PLA2G10: variants seen among roughly 807,000 people sequenced by gnomAD.
The protein encoded by PLA2G10 is phospholipase A2 group X.
PLA2G10 carries 9 observed loss-of-function variants against 7.9 expected under a neutral mutation model. The ratio of observed to expected loss-of-function variants is 1.14; its 90% CI spans 0.68 to 1.98. The LOEUF (loss-of-function observed/expected upper bound fraction) is 1.98. PLA2G10 is among the 30% of genes most tolerant of loss of function. PLA2G10 has a pLI of 0.00. For missense variants in PLA2G10, 53 were observed against 65.4 expected (o/e 0.81, Z 0.66); for synonymous variants, 19 against 27.5 (o/e 0.69, Z 0.97).
At chr16:14,677,097 A>G (rs1162182426) in intron 3 of PLA2G10, among the ~76,000 whole-genome samples, 2 of 152,204 alleles carry the variant, frequency 1.3e-5, no homozygotes, top group African/African-American at 4.8e-5. Context: ...TTGTACCCCT[A>G]AGGCTACTGA....
chr16:14,685,508 C>T (rs1391373179), intron 3 of PLA2G10, among the ~76,000 whole-genome samples: 1 of 151,836 alleles, frequency 6.6e-6, no homozygotes, highest in Non-Finnish European at 1.5e-5. Context: ...AACTGGTAAC[C>T]TGGTAAGTTT....
intron 3 of PLA2G10, among the ~76,000 whole-genome samples, chr16:14,686,625 C>G (rs758766451): frequency 7.2e-5 from 11 of 152,090 alleles, no homozygotes; most frequent in Non-Finnish European, 1.3e-4. Flanking sequence ...GTCAGACTCT[C>G]GAGTAGCTGG....
intron 3 of PLA2G10, chr16:14,678,506 C>T (rs1040635046): frequency 3.0e-5 from 7 of 237,140 alleles, no homozygotes; most frequent in Non-Finnish European, 5.1e-5. Flanking sequence ...TGGTGGCTCA[C>T]GCCTGTAATC....
intron 3 of PLA2G10, among the ~76,000 whole-genome samples, chr16:14,684,221 C>T (rs773362029): frequency 1.4e-5 from 2 of 146,162 alleles, no homozygotes; most frequent in Non-Finnish European, 3.0e-5. Context: ...ATTAGCCGGG[C>T]GTGGTGGTGC....
chr16:14,676,229 TCTA>T (rs1423982858), intron 3 of PLA2G10, among the ~76,000 whole-genome samples: 1 of 152,116 alleles, frequency 6.6e-6, no homozygotes, highest in African/African-American at 2.4e-5. Context: ...GAAAAGTAAA[TCTA>T]CTATTCTTTC....
At chr16:14,687,562 G>C (rs970290154) in intron 3 of PLA2G10, among the ~76,000 whole-genome samples, 1 of 151,876 alleles carries the variant, frequency 6.6e-6, no homozygotes, top group East Asian at 1.9e-4. Flanking sequence ...CCTCCTTCTG[G>C]TCCCCACCCC....
chr16:14,673,550 A>G (rs527655879), intron 3 of PLA2G10, among the ~76,000 whole-genome samples: 2 of 151,440 alleles, frequency 1.3e-5, no homozygotes, highest in Non-Finnish European at 2.9e-5. Flanking sequence ...TTGTATTTTT[A>G]GTAGAGATGG....
chr16:14,685,792 T>A (rs1225441939), intron 3 of PLA2G10, among the ~76,000 whole-genome samples: 1 of 151,460 alleles, frequency 6.6e-6, no homozygotes, highest in African/African-American at 2.4e-5. Flanking sequence ...CCTCCTGGAT[T>A]CAAGCAATTC....
chr16:14,677,557 G>A (rs1036907335), intron 3 of PLA2G10, among the ~76,000 whole-genome samples: 10 of 152,066 alleles, frequency 6.6e-5, no homozygotes, highest in Non-Finnish European at 1.0e-4. Flanking sequence ...AGTAGAGACC[G>A]GGTTTTACCA....
chr16:14,672,781 A>G (rs1960624954), intron 3 of PLA2G10, 32 bp from the exon 4 acceptor site: 1 of 1,608,938 alleles, frequency 6.2e-7, no homozygotes, highest in Non-Finnish European at 8.5e-7. Flanking sequence ...AGATTAGAGC[A>G]GGGACCTGGA....
intron 3 of PLA2G10, among the ~76,000 whole-genome samples, chr16:14,682,250 T>G (rs903072259): frequency 3.3e-5 from 5 of 152,180 alleles, no homozygotes; most frequent in Non-Finnish European, 5.9e-5. Context: ...TGCCAAGTTC[T>G]AATCCGTAGT....
intron 3 of PLA2G10, among the ~76,000 whole-genome samples, chr16:14,679,260 A>G (rs190067991): frequency 2.6e-5 from 4 of 152,268 alleles, no homozygotes; most frequent in Admixed American, 2.6e-4. Context: ...CAGGCTGAGC[A>G]TGGTGGCTTA....
At chr16:14,679,024 T>C (rs968028377) in intron 3 of PLA2G10, among the ~76,000 whole-genome samples, 4 of 151,982 alleles carry the variant, frequency 2.6e-5, no homozygotes, top group Non-Finnish European at 5.9e-5. Context: ...CACGTGGCTG[T>C]CTCCTCTGTT....
chr16:14,680,479 C>CAAAA (rs1960860405), intron 3 of PLA2G10, among the ~76,000 whole-genome samples: 1 of 152,084 alleles, frequency 6.6e-6, no homozygotes, highest in African/African-American at 2.4e-5. Context: ...CAGCCTGGAC[C>CAAAA]TCCTGAGCTC....
intron 3 of PLA2G10, among the ~76,000 whole-genome samples, chr16:14,673,544 AT>A (rs1348633710): frequency 2.7e-5 from 4 of 150,894 alleles, no homozygotes; most frequent in Non-Finnish European, 5.9e-5. Context: ...TAATTTTTGT[AT>A]TTTTAGTAGA....
intron 3 of PLA2G10, among the ~76,000 whole-genome samples, chr16:14,687,727 T>C (rs546628052): frequency 0.028 from 4,140 of 150,064 alleles, 139 homozygotes; most frequent in Admixed American, 0.077. Context: ...CCAGACACCA[T>C]GCCTCACGCC....
chr16:14,685,446 G>A (rs961506415), intron 3 of PLA2G10, among the ~76,000 whole-genome samples: 3 of 151,924 alleles, frequency 2.0e-5, no homozygotes, highest in Non-Finnish European at 2.9e-5. Flanking sequence ...GGAACATAGT[G>A]TATGATTCTA....
chr16:14,676,305 C>T (rs776219459), intron 3 of PLA2G10, among the ~76,000 whole-genome samples: 10 of 152,158 alleles, frequency 6.6e-5, no homozygotes, highest in Non-Finnish European at 8.8e-5. Context: ...AAAAGACGTG[C>T]GCGCATTTGT....
intron 3 of PLA2G10, among the ~76,000 whole-genome samples, chr16:14,683,078 A>T (rs1960937315): frequency 6.6e-6 from 1 of 151,976 alleles, no homozygotes; most frequent in South Asian, 2.1e-4. Flanking sequence ...CAAAACAAAA[A>T]CAAAATCTGT....
Sources: gnomAD v4.1 joint callset for allele counts (sites outside exome capture counted in the v4.1 genomes callset) on GRCh38, gnomAD v4.1.1 for gene constraint, MANE v1.5 for transcripts, NCBI Gene and HGNC (gene_info 2026-07-23, HGNC 2026-07-21) for gene names.